VPS13B: variants seen among roughly 807,000 people sequenced by gnomAD.
VPS13B encodes vacuolar protein sorting 13 homolog B, also known as intermembrane lipid transfer protein VPS13B.
Under a neutral mutation model 426.4 loss-of-function variants are expected in VPS13B, and 285 were observed. The ratio of observed to expected loss-of-function variants is 0.67; its 90% confidence interval spans 0.61 to 0.74. VPS13B has a LOEUF of 0.74. Ranked by LOEUF, VPS13B falls within the 30% of genes least tolerant of loss-of-function variation. The pLI, the probability that VPS13B is intolerant of heterozygous loss-of-function variation, is 0.00. For missense variants in VPS13B, 4,537 were observed against 4,782.6 expected (o/e 0.95, Z 1.51); for synonymous variants, 1,676 against 1,676.4 (o/e 1.00, Z 0.01).
At chr8:99,539,941 TA>T (rs1823469291) in intron 30 of VPS13B, among the ~76,000 whole-genome samples, 1 of 142,016 alleles carries the variant, frequency 7.0e-6, no homozygotes, top group African/African-American at 2.6e-5. Context: ...ATTTATACAT[TA>T]TATTTATATA....
intron 17 of VPS13B, among the ~76,000 whole-genome samples, chr8:99,202,527 A>G (rs972531219): frequency 1.3e-5 from 2 of 152,322 alleles, no homozygotes; most frequent in Middle Eastern, 3.4e-3. Flanking sequence ...AGACCCAATA[A>G]CAATTTCTGA....
intron 21 of VPS13B, among the ~76,000 whole-genome samples, chr8:99,399,248 A>C (rs1814907910): frequency 6.6e-6 from 1 of 152,196 alleles, no homozygotes; most frequent in African/African-American, 2.4e-5. Flanking sequence ...CATTGTAAGA[A>C]AAATTATTTT....
intron 3 of VPS13B, among the ~76,000 whole-genome samples, chr8:99,054,061 T>G (rs1026187355): frequency 6.6e-6 from 1 of 152,234 alleles, no homozygotes; most frequent in Non-Finnish European, 1.5e-5. Context: ...TTACCCCATT[T>G]GGTTTATTCA....
At chr8:99,579,240 T>A (rs76357216) in intron 33 of VPS13B, among the ~76,000 whole-genome samples, 1 of 152,170 alleles carries the variant, frequency 6.6e-6, no homozygotes, top group Non-Finnish European at 1.5e-5. Context: ...TGGAAGAATA[T>A]GATTCAATTT....
At chr8:99,822,866 A>G (rs1235984373) in intron 50 of VPS13B, among the ~76,000 whole-genome samples, 2 of 152,234 alleles carry the variant, frequency 1.3e-5, no homozygotes, top group East Asian at 1.9e-4. Context: ...ATCTCATGTC[A>G]TGTACCTCTG....
intron 17 of VPS13B, chr8:99,233,227 G>T: frequency 1.6e-6 from 2 of 1,264,362 alleles, no homozygotes; most frequent in Non-Finnish European, 2.3e-6. Flanking sequence ...AATGATTTCT[G>T]CACTAGTTAA....
At chr8:99,039,623 T>C (rs952310570) in intron 3 of VPS13B, among the ~76,000 whole-genome samples, 1 of 152,006 alleles carries the variant, frequency 6.6e-6, no homozygotes, top group Admixed American at 6.6e-5. Context: ...AGTAAATTGA[T>C]AAGTATTATT....
intron 16 of VPS13B, among the ~76,000 whole-genome samples, chr8:99,188,956 T>C (rs951818682): frequency 1.4e-4 from 22 of 152,144 alleles, no homozygotes; most frequent in Non-Finnish European, 3.2e-4. Flanking sequence ...TTATGAATTA[T>C]GAGAGCGATC....
chr8:99,631,801 T>G (rs1828858903), intron 33 of VPS13B, among the ~76,000 whole-genome samples: 1 of 151,918 alleles, frequency 6.6e-6, no homozygotes, highest in African/African-American at 2.4e-5. Context: ...AAGCTTGGTT[T>G]TTTTATATCC....
rs187247250 is a variant in VPS13B, at chr8:99,232,202, G to A, written c.2515+39145G>A. Among the ~76,000 whole-genome samples, 193 of 152,110 alleles carry A rather than the reference G, an allele frequency of 1.3e-3. 1 individual carries two copies. Among genetic ancestry groups the A allele is most frequent in the Admixed American group, 6.8e-3 (104 of 15,282 alleles). On this transcript the variant is annotated intron_variant, in intron 17 of 61. Transcript: ENST00000357162. Reference sequence around the variant, plus strand: ...GAGATGGAGAAGTAGGGGAGGGGAGGGAGGTGAGAGATAAACAGAGAGAGA... The same window carrying A: ...GAGATGGAGAAGTAGGGGAGGGGAGAGAGGTGAGAGATAAACAGAGAGAGA...
At chr8:99,336,744 T>C (rs953618189) in intron 19 of VPS13B, among the ~76,000 whole-genome samples, 13 of 152,084 alleles carry the variant, frequency 8.5e-5, no homozygotes, top group African/African-American at 3.1e-4. Context: ...TTTATGCAGC[T>C]AAAAAACACA....
rs569212520 is a variant in VPS13B at position 99,430,442 on chromosome 8, A to T, written c.3083-1095A>T. ...ATACTACATATAAATTATGTATTTG[A>T]ATTAACATAAGCTGTATTATATAAA... On this transcript the variant is annotated intron_variant, in intron 21 of 61. Transcript: ENST00000357162. Among the ~76,000 whole-genome samples, 185 of 152,276 alleles carry T rather than the reference A, an allele frequency of 1.2e-3. 1 individual carries two copies. The highest frequency in any genetic ancestry group is 2.3e-3 in the South Asian group (11 of 4,826).
chr8:99,079,716 A>G (rs962585405), intron 3 of VPS13B, among the ~76,000 whole-genome samples: 5 of 152,140 alleles, frequency 3.3e-5, no homozygotes, highest in Admixed American at 3.3e-4. Context: ...AGTGAAATCA[A>G]TACTTGATAG....
intron 3 of VPS13B, among the ~76,000 whole-genome samples, chr8:99,088,703 T>G (rs1250218530): frequency 6.6e-6 from 1 of 152,226 alleles, no homozygotes; most frequent in African/African-American, 2.4e-5. Flanking sequence ...TACTTCATCT[T>G]TTTATTCTCC....
intron 31 of VPS13B, among the ~76,000 whole-genome samples, chr8:99,575,426 C>G (rs967473780): frequency 5.3e-5 from 8 of 152,046 alleles, no homozygotes; most frequent in African/African-American, 1.9e-4. Flanking sequence ...TGGGATGATA[C>G]TAATATGAAA....
Position 99,832,354 on chromosome 8 carries a change from T to TTTTTTTTTTTTTTTTTTTTTC in VPS13B, c.9331-3_9331-2insTTTTTTTTCTTTTTTTTTTTT. 1 of 1,466,564 alleles carries TTTTTTTTTTTTTTTTTTTTTC rather than the reference T, an allele frequency of 6.8e-7. No homozygotes were observed. Among genetic ancestry groups the TTTTTTTTTTTTTTTTTTTTTC allele is most frequent in the South Asian group, 1.3e-5 (1 of 77,246 alleles). 90.8% of individuals were successfully genotyped at this position (1,466,564 alleles called of 1,614,324 possible). On this transcript the variant is annotated splice_polypyrimidine_tract_variant and intron_variant, in intron 51 of 61. Coordinates refer to ENST00000357162, the MANE Select transcript of VPS13B (RefSeq NM_152564.5). ...TGTGCTCTCTGCATTTTTTTTTTTT[T>TTTTTTTTTTTTTTTTTTTTTC]TTTTTTTTTTTTAGTATTTTCGTGT... is the stretch of plus-strand genomic sequence containing the variant.
chr8:99,236,257 T>G (rs1187799963), intron 17 of VPS13B, among the ~76,000 whole-genome samples: 2 of 152,120 alleles, frequency 1.3e-5, no homozygotes, highest in Non-Finnish European at 2.9e-5. Flanking sequence ...TCAATTTTTT[T>G]TTTTTTTTTA....
intron 19 of VPS13B, among the ~76,000 whole-genome samples, chr8:99,343,018 T>C (rs1035760219): frequency 6.6e-6 from 1 of 152,178 alleles, no homozygotes; most frequent in Admixed American, 6.6e-5. Context: ...ATTTTTTTCA[T>C]GTACCTGTTT....
At chr8:99,029,370 G>A (rs1425541146) in intron 2 of VPS13B, among the ~76,000 whole-genome samples, 1 of 151,672 alleles carries the variant, frequency 6.6e-6, no homozygotes, top group Admixed American at 6.6e-5. Context: ...CTTCCCAGAC[G>A]GGGTGGCGGC....
Sources: gnomAD v4.1 joint callset for allele counts (sites outside exome capture counted in the v4.1 genomes callset) on GRCh38, gnomAD v4.1.1 for gene constraint, MANE v1.5 for transcripts, NCBI Gene and HGNC (gene_info 2026-07-23, HGNC 2026-07-21) for gene names.